Variants in PRTG observed in about 807,000 individuals in gnomAD.
The protein encoded by PRTG is protogenin.
Under a neutral mutation model 122.5 loss-of-function variants are expected in PRTG, and 67 were observed. That is an observed-to-expected ratio of 0.55 (90% CI 0.45 to 0.67). The LOEUF (loss-of-function observed/expected upper bound fraction) is 0.67. Ranked by LOEUF, PRTG falls within the 30% of genes least tolerant of loss-of-function variation. The pLI is 0.00. For missense variants in PRTG, 1,435 were observed against 1,415.4 expected, an observed-to-expected ratio of 1.01 and a Z score of -0.22; for synonymous variants, 554 against 501.1, an observed-to-expected ratio of 1.11 and a Z score of -1.41.
At chr15:55,711,920 G>A (rs565175459) in intron 2 of PRTG, among the ~76,000 whole-genome samples, 7 of 152,160 alleles carry the variant, frequency 4.6e-5, no homozygotes, top group Non-Finnish European at 1.0e-4. Flanking sequence ...CTCAATGAAT[G>A]TGGATGTAAA....
At chr15:55,700,379 C>T (rs1401530769) in intron 2 of PRTG, among the ~76,000 whole-genome samples, 1 of 152,038 alleles carries the variant, frequency 6.6e-6, no homozygotes, top group African/African-American at 2.4e-5. Flanking sequence ...TAGAAGAAAA[C>T]AGAAAAATCT....
intron 16 of PRTG, among the ~76,000 whole-genome samples, chr15:55,628,137 C>T (rs1406638956): frequency 6.6e-6 from 1 of 152,150 alleles, no homozygotes; most frequent in Non-Finnish European, 1.5e-5. Flanking sequence ...ATCCCTGGCA[C>T]CGAATGACCA....
chr15:55,680,153 A>G lies in PRTG; in HGVS notation c.874T>C (p.Ser292Pro), dbSNP rs746831057. 1 of 1,612,310 alleles carries G rather than the reference A, an allele frequency of 6.2e-7. No homozygotes were observed. Among genetic ancestry groups the G allele is most frequent in the Non-Finnish European group, 8.5e-7 (1 of 1,178,438 alleles). ...CCAGCATGTTGTAGCCTGACATCAGATATCATGAGATTACCATTTCCAAGT... is the reference window on the plus strand; with the variant it reads ...CCAGCATGTTGTAGCCTGACATCAGGTATCATGAGATTACCATTTCCAAGT... ...RVLGNGNLMI[S>P]DVRLQHAGVY... is the part of the protein sequence containing the mutation. Residue 292 changes from serine to proline, a missense_variant, in exon 6 of 20, where the codon TCT becomes CCT. Physicochemically the swap from Ser to Pro is moderately conservative, Grantham distance 74. Transcript: ENST00000389286.
chr15:55,679,678 T>C (rs1167205416), intron 6 of PRTG: 1 of 450,156 alleles, frequency 2.2e-6, no homozygotes, highest in Non-Finnish European at 3.9e-6. Flanking sequence ...ACTTAAAATA[T>C]ATGTACCTAT....
intron 11 of PRTG, among the ~76,000 whole-genome samples, chr15:55,654,173 C>A (rs1188007982): frequency 3.3e-5 from 5 of 152,182 alleles, no homozygotes; most frequent in Non-Finnish European, 5.9e-5. Flanking sequence ...AGAAAGGAAC[C>A]TCACTGGCCC....
intron 2 of PRTG, among the ~76,000 whole-genome samples, chr15:55,693,694 C>T (rs1722299065): frequency 1.3e-5 from 2 of 152,074 alleles, no homozygotes; most frequent in South Asian, 4.1e-4. Flanking sequence ...CAGTATCCCT[C>T]AGTAAAAGGG....
intron 11 of PRTG, among the ~76,000 whole-genome samples, chr15:55,644,868 TGAGA>T (rs1269347879): frequency 3.3e-5 from 5 of 151,778 alleles, no homozygotes; most frequent in Non-Finnish European, 7.4e-5. Context: ...AATAAAGGAG[TGAGA>T]AACCCCACTT....
chr15:55,638,024 C>G (rs1326977635), intron 14 of PRTG, among the ~76,000 whole-genome samples: 2 of 152,108 alleles, frequency 1.3e-5, no homozygotes, highest in Non-Finnish European at 2.9e-5. Flanking sequence ...AGAAATGATG[C>G]TTATATAATA....
At chr15:55,691,267 G>C (rs1311794411) in intron 2 of PRTG, among the ~76,000 whole-genome samples, 5 of 144,356 alleles carry the variant, frequency 3.5e-5, no homozygotes, top group Non-Finnish European at 7.5e-5. Flanking sequence ...CTGCACTCCA[G>C]CCTGGGAAAC....
At chr15:55,635,493 T>G (rs868174068) in intron 15 of PRTG, among the ~76,000 whole-genome samples, 3 of 152,190 alleles carry the variant, frequency 2.0e-5, no homozygotes, top group South Asian at 4.1e-4. Flanking sequence ...CAGTCCAAAT[T>G]GTTGACTCAA....
intron 11 of PRTG, among the ~76,000 whole-genome samples, chr15:55,645,290 C>T (rs931903999): frequency 8.7e-5 from 13 of 148,736 alleles, no homozygotes; most frequent in South Asian, 2.2e-4. Context: ...AAAAATTAGC[C>T]GGGCATGGTG....
At position 55,672,584 on chromosome 15, in the gene PRTG, A is replaced by G. The variant is rs759012709; in HGVS notation, c.1902T>C (p.Ile634=). ...LHLEPLNCTT[I]SVRWQQDVED... ...CTACATCTTGCTGCCACCTCACAGA[A>G]ATGGTGGTACAGTTCAGAGGCTCCA... The change falls in exon 11 of 20, where the codon ATT becomes ATC. Residue 634 remains isoleucine, a synonymous_variant. Transcript: ENST00000389286. 2 of 1,614,026 alleles carry G rather than the reference A, an allele frequency of 1.2e-6. No individual in the cohort carries two copies. The highest frequency in any genetic ancestry group is 1.7e-6 in the Non-Finnish European group (2 of 1,179,998).
intron 15 of PRTG, among the ~76,000 whole-genome samples, chr15:55,635,148 G>A (rs949829220): frequency 7.3e-5 from 11 of 151,666 alleles, no homozygotes; most frequent in Non-Finnish European, 1.5e-5. Context: ...CTGAAGTGCT[G>A]TGGCACAGTC....
At chr15:55,707,656 G>A (rs1442947270) in intron 2 of PRTG, among the ~76,000 whole-genome samples, 1 of 152,188 alleles carries the variant, frequency 6.6e-6, no homozygotes, top group Non-Finnish European at 1.5e-5. Flanking sequence ...TAGGAGCAGG[G>A]CAAAAGAAAC....
chr15:55,649,753 C>T (rs2141753173), intron 11 of PRTG, among the ~76,000 whole-genome samples: 1 of 152,050 alleles, frequency 6.6e-6, no homozygotes, highest in East Asian at 1.9e-4. Flanking sequence ...GATTGGGTCA[C>T]TGCACTCCGG....
chr15:55,706,098 C>G (rs11857467), intron 2 of PRTG, among the ~76,000 whole-genome samples: 86,496 of 147,280 alleles, frequency 0.59, 26,408 homozygotes, highest in Non-Finnish European at 0.69. Context: ...CTGACCTCGT[C>G]ATCTGCCCAC....
intron 11 of PRTG, among the ~76,000 whole-genome samples, chr15:55,653,486 G>T (rs994895053): frequency 8.0e-5 from 12 of 150,512 alleles, no homozygotes; most frequent in Non-Finnish European, 1.6e-4. Flanking sequence ...TTCTGAGATG[G>T]AGTTTCGCTC....
At chr15:55,648,454 C>A (rs2059335877) in intron 11 of PRTG, among the ~76,000 whole-genome samples, 1 of 152,068 alleles carries the variant, frequency 6.6e-6, no homozygotes. Flanking sequence ...CTTAAGTAAC[C>A]TACACTGAAA....
intron 9 of PRTG, 71 bp downstream of exon 9, chr15:55,675,448 C>G (rs890241129): frequency 8.9e-7 from 1 of 1,120,224 alleles, no homozygotes; most frequent in Middle Eastern, 2.1e-4. Flanking sequence ...CTTTAAAACA[C>G]ATTTATTCAT....
Sources: allele counts gnomAD v4.1 joint callset (sites outside exome capture counted in the v4.1 genomes callset), GRCh38; gene constraint gnomAD v4.1.1; transcripts MANE v1.5; gene names NCBI Gene and HGNC (gene_info 2026-07-23, HGNC 2026-07-21).